Variants in PEAK1 observed in about 807,000 individuals in gnomAD.
PEAK1 encodes the protein pseudopodium enriched atypical kinase 1, also known as inactive tyrosine-protein kinase PEAK1.
In PEAK1, 54 loss-of-function variants were observed where a neutral mutation model predicts 124.7. The ratio of observed to expected loss-of-function variants is 0.43; its 90% CI spans 0.35 to 0.54. The LOEUF is 0.54. Among genes scored for constraint, PEAK1 ranks in the 20% least tolerant of loss-of-function variants. The probability of loss-of-function intolerance (pLI) is 0.01; values close to 1 mark genes in which losing one functional copy is unlikely to be tolerated. For missense variants in PEAK1, 2,046 were observed against 2,134.5 expected (o/e 0.96, Z 0.82); for synonymous variants, 719 against 760.0 (o/e 0.95, Z 0.89).
chr15:77,101,152 T>G (rs1244122418), exon 7 of PEAK1: 1 of 152,172 alleles, frequency 6.6e-6, no homozygotes, highest in Non-Finnish European at 1.5e-5. Flanking sequence ...TCTCCCCCAA[T>G]AAAGGGTCCA....
intron 1 of PEAK1, among the ~76,000 whole-genome samples, chr15:77,382,831 T>A (rs1183480252): frequency 1.3e-5 from 2 of 152,056 alleles, no homozygotes; most frequent in Non-Finnish European, 1.5e-5. Context: ...CACAAGGAAG[T>A]TTTTCCATAC....
intron 8 of PEAK1, among the ~76,000 whole-genome samples, chr15:77,140,492 C>G (rs1344808167): frequency 6.6e-6 from 1 of 152,108 alleles, no homozygotes; most frequent in Non-Finnish European, 1.5e-5. Context: ...GGGAAAAAAG[C>G]TCACATAATC....
intron 7 of PEAK1, among the ~76,000 whole-genome samples, chr15:77,165,491 C>A (rs1160997196): frequency 6.6e-6 from 1 of 152,198 alleles, no homozygotes; most frequent in African/African-American, 2.4e-5. Context: ...GCCACTGCGC[C>A]CGACCCTTGG....
At chr15:77,154,786 T>C (rs2054971858) in intron 8 of PEAK1, among the ~76,000 whole-genome samples, 1 of 152,010 alleles carries the variant, frequency 6.6e-6, no homozygotes, top group Non-Finnish European at 1.5e-5. Flanking sequence ...TTGAAAATTC[T>C]TTTCTTTAAG....
intron 2 of PEAK1, among the ~76,000 whole-genome samples, chr15:77,309,261 C>G (rs962627119): frequency 5.9e-5 from 9 of 152,122 alleles, no homozygotes; most frequent in African/African-American, 1.9e-4. Flanking sequence ...AAACCCCTGA[C>G]AAATTATGCT....
intron 1 of PEAK1, among the ~76,000 whole-genome samples, chr15:77,415,051 A>T (rs1017354567): frequency 1.3e-5 from 2 of 152,250 alleles, no homozygotes; most frequent in African/African-American, 4.8e-5. Context: ...AAACAAGGAG[A>T]GTAACAGTAA....
chr15:77,417,093 C>T (rs1331409388), intron 1 of PEAK1, among the ~76,000 whole-genome samples: 1 of 152,026 alleles, frequency 6.6e-6, no homozygotes, highest in Non-Finnish European at 1.5e-5. Context: ...TAGACACCCT[C>T]CACCCATCCC....
chr15:77,419,553 G>A (rs1402529524), intron 1 of PEAK1: 15 of 985,048 alleles, frequency 1.5e-5, no homozygotes, highest in African/African-American at 8.7e-5. Flanking sequence ...CCCGGGTGCG[G>A]GAGCGGGCTG....
intron 1 of PEAK1, chr15:77,402,405 A>G: frequency 6.1e-6 from 6 of 985,380 alleles, no homozygotes; most frequent in Non-Finnish European, 7.2e-6. Flanking sequence ...TTCAATCAAC[A>G]TATCACCCAT....
chr15:77,281,333 A>G (rs1229797855), intron 5 of PEAK1, among the ~76,000 whole-genome samples: 1 of 152,138 alleles, frequency 6.6e-6, no homozygotes, highest in African/African-American at 2.4e-5. Flanking sequence ...TTGTTACTGA[A>G]TTCATTCAAT....
rs1412141165 is a variant in PEAK1 at position 77,180,133 on chromosome 15, A to G, written c.1794T>C (p.Tyr598=). 8 of 1,614,042 alleles carry G rather than the reference A, an allele frequency of 5.0e-6. No homozygotes were observed. Among genetic ancestry groups the G allele is most frequent in the South Asian group, 1.1e-5 (1 of 91,080 alleles). The change falls in exon 7 of 10, where the codon TAT becomes TAC. Residue 598 remains tyrosine (Y), a synonymous_variant. Coordinates refer to ENST00000682557, the MANE Select transcript of PEAK1 (RefSeq NM_001385026.1). Reference sequence around the variant, plus strand: ...GAAAAGGTGGCATACCAGCATTGTTATAACTATTAAATTTAATTTCAGACA... The same window carrying G: ...GAAAAGGTGGCATACCAGCATTGTTGTAACTATTAAATTTAATTTCAGACA... ...PNLSEIKFNS[Y]NNAGMPPFPI... is the part of the protein sequence containing the mutation.
chr15:77,101,485 A>G (rs2050693347), exon 7 of PEAK1: 1 of 152,206 alleles, frequency 6.6e-6, no homozygotes, highest in African/African-American at 2.4e-5. Flanking sequence ...ATATTTGAGC[A>G]CTTACTATTG....
At chr15:77,376,570 C>T (rs928871753) in intron 1 of PEAK1, among the ~76,000 whole-genome samples, 2 of 152,144 alleles carry the variant, frequency 1.3e-5, no homozygotes, top group South Asian at 2.1e-4. Context: ...TTTCTGGAAA[C>T]ATTTTCAATC....
chr15:77,198,822 C>T (rs1039714760), intron 6 of PEAK1, among the ~76,000 whole-genome samples: 41 of 152,212 alleles, frequency 2.7e-4, no homozygotes, highest in African/African-American at 9.6e-4. Context: ...TAAAAAATGT[C>T]AAGATAACAG....
At chr15:77,266,338 C>G (rs1051235001) in intron 5 of PEAK1, among the ~76,000 whole-genome samples, 1 of 152,048 alleles carries the variant, frequency 6.6e-6, no homozygotes, top group Admixed American at 6.6e-5. Flanking sequence ...ATTTACTCCA[C>G]AGAGTGGGTA....
chr15:77,179,322 G>T lies in PEAK1; in HGVS notation c.2605C>A (p.Pro869Thr), dbSNP rs763419099. ...VTSPQSEPPA[P>T]FPPPRSTSSP... ...GAAGTAGAGCGTGGCGGGGGAAAGG[G>T]AGCTGGTGGCTCACTTTGGGGGCTA... The change falls in exon 7 of 10, where the codon CCC (proline) becomes ACC (threonine). Residue 869 changes from proline to threonine, a missense_variant. Pro to Thr is a conservative substitution (Grantham distance 38). Coordinates refer to ENST00000682557, the MANE Select transcript of PEAK1 (RefSeq NM_001385026.1). 3 of 1,613,978 alleles carry T rather than the reference G, an allele frequency of 1.9e-6. No individual in the cohort carries two copies. Among genetic ancestry groups the T allele is most frequent in the Non-Finnish European group, 2.5e-6 (3 of 1,180,026 alleles).
intron 8 of PEAK1, among the ~76,000 whole-genome samples, chr15:77,138,582 G>A (rs964126061): frequency 2.0e-5 from 3 of 151,482 alleles, no homozygotes; most frequent in African/African-American, 7.3e-5. Flanking sequence ...TTTTTCTTTG[G>A]GCCAGGCACG....
intron 3 of PEAK1, among the ~76,000 whole-genome samples, chr15:77,285,471 A>G (rs2062876256): frequency 1.3e-5 from 2 of 152,230 alleles, no homozygotes; most frequent in Admixed American, 1.3e-4. Flanking sequence ...AATAATCAGC[A>G]GTTGCACAAC....
At chr15:77,223,467 CAT>C (rs2059480493) in intron 6 of PEAK1, among the ~76,000 whole-genome samples, 2 of 152,124 alleles carry the variant, frequency 1.3e-5, no homozygotes, top group South Asian at 4.1e-4. Flanking sequence ...AGGTTTTCCA[CAT>C]GATTTAACTA....
Sources: gnomAD v4.1 joint callset for allele counts (sites outside exome capture counted in the v4.1 genomes callset) on GRCh38, gnomAD v4.1.1 for gene constraint, MANE v1.5 for transcripts, NCBI Gene and HGNC (gene_info 2026-07-23, HGNC 2026-07-21) for gene names.